Variants in RAD51B observed in about 807,000 individuals in gnomAD.
RAD51B encodes the protein RAD51 paralog B.
In RAD51B, 38 loss-of-function variants were observed where a neutral mutation model predicts 42.2. The ratio of observed to expected loss-of-function variants is 0.90; its 90% CI spans 0.70 to 1.18. RAD51B has a LOEUF of 1.18. Ranked by LOEUF, RAD51B falls within the 50% of genes most tolerant of loss-of-function variation. RAD51B has a pLI of 0.00. For missense variants in RAD51B, 373 were observed against 400.7 expected, an observed-to-expected ratio of 0.93 and a Z score of 0.59; for synonymous variants, 154 against 145.2, an observed-to-expected ratio of 1.06 and a Z score of -0.43.
Position 67,909,771 on chromosome 14 carries a change from T to A in RAD51B, c.756+22567T>A, listed in dbSNP as rs964808857. Among the ~76,000 whole-genome samples, 7 of 152,166 alleles carry A rather than the reference T, an allele frequency of 4.6e-5. No individual in the cohort carries two copies. The East Asian group carries it at 1.3e-3, about 29-fold the overall frequency. The stretch of plus-strand genomic sequence containing the variant: ...ATGGCTCACTGCAGCCTTCACCTCC[T>A]GGGCTTAAGCCAGGGACTACAGGCA... On this transcript the variant is annotated intron_variant, in intron 7 of 10. Transcript: ENST00000471583.
intron 7 of RAD51B, among the ~76,000 whole-genome samples, chr14:67,898,951 A>G (rs906409596): frequency 3.9e-5 from 6 of 152,304 alleles, no homozygotes; most frequent in Non-Finnish European, 8.8e-5. Context: ...TTTCACTTGA[A>G]CATTGTTTCC....
intron 7 of RAD51B, among the ~76,000 whole-genome samples, chr14:68,161,272 G>A (rs987236459): frequency 2.0e-5 from 3 of 152,152 alleles, no homozygotes; most frequent in Non-Finnish European, 4.4e-5. Flanking sequence ...TTTCTCTCTC[G>A]TGTTTTCTAC....
At chr14:68,506,705 G>A (rs905005854) in intron 10 of RAD51B, among the ~76,000 whole-genome samples, 1 of 151,850 alleles carries the variant, frequency 6.6e-6, no homozygotes, top group Non-Finnish European at 1.5e-5. Context: ...AAAGGCGGGT[G>A]GGGGGGACAA....
chr14:68,443,910 A>G (rs2085360340), intron 9 of RAD51B, among the ~76,000 whole-genome samples: 2 of 152,134 alleles, frequency 1.3e-5, no homozygotes, highest in Non-Finnish European at 2.9e-5. Context: ...AATTTTGAAT[A>G]TTCAAACCGA....
intron 7 of RAD51B, among the ~76,000 whole-genome samples, chr14:68,272,635 T>TTATATATATATATATATATATATA (rs1196934518): frequency 1.0e-4 from 2 of 19,852 alleles, no homozygotes; most frequent in African/African-American, 2.1e-4. Context: ...TATAAACACT[T>TTATATATATATATATATATATATA]TATATATATA....
chr14:68,084,821 G>T (rs146117314), intron 7 of RAD51B, among the ~76,000 whole-genome samples: 1 of 152,072 alleles, frequency 6.6e-6, no homozygotes, highest in Admixed American at 6.6e-5. Flanking sequence ...TGACTTGTAC[G>T]CTGCTGTGTG....
chr14:68,518,407 T>C (rs1048984515), intron 10 of RAD51B, among the ~76,000 whole-genome samples: 2 of 152,194 alleles, frequency 1.3e-5, no homozygotes, highest in East Asian at 3.9e-4. Context: ...CAGGCAGTTG[T>C]GTCCTGAGCC....
intron 7 of RAD51B, among the ~76,000 whole-genome samples, chr14:67,909,736 T>C (rs1285151850): frequency 1.3e-5 from 2 of 152,234 alleles, no homozygotes; most frequent in African/African-American, 4.8e-5. Flanking sequence ...TGGAGTAGCG[T>C]AGCACGAACA....
chr14:67,905,186 G>A (rs1485655350), intron 7 of RAD51B, among the ~76,000 whole-genome samples: 1 of 151,668 alleles, frequency 6.6e-6, no homozygotes, highest in African/African-American at 2.4e-5. Context: ...AATGCTGCTG[G>A]GATTACTTGT....
intron 7 of RAD51B, among the ~76,000 whole-genome samples, chr14:67,904,517 T>G (rs1437089819): frequency 1.3e-5 from 2 of 149,400 alleles, no homozygotes; most frequent in African/African-American, 4.9e-5. Context: ...TGACTTTTTT[T>G]TTTTTTTTTT....
intron 5 of RAD51B, among the ~76,000 whole-genome samples, chr14:67,872,860 T>C (rs1595041868): frequency 6.6e-6 from 1 of 152,042 alleles, no homozygotes; most frequent in East Asian, 1.9e-4. Context: ...ATTTAATAAA[T>C]GGTGCTGGGA....
intron 9 of RAD51B, 81 bp downstream of exon 9, chr14:68,411,608 G>A: frequency 4.5e-6 from 6 of 1,338,220 alleles, no homozygotes; most frequent in Non-Finnish European, 6.4e-6. Flanking sequence ...TTCTGAAAAT[G>A]CTGGCCGCAT....
At chr14:68,150,851 G>A (rs960959479) in intron 7 of RAD51B, among the ~76,000 whole-genome samples, 1 of 151,964 alleles carries the variant, frequency 6.6e-6, no homozygotes, top group African/African-American at 2.4e-5. Context: ...AGAACCTTAC[G>A]ATAGTCTTAA....
At chr14:68,658,393 G>A (rs905544924) in intron 11 of RAD51B, among the ~76,000 whole-genome samples, 1 of 152,240 alleles carries the variant, frequency 6.6e-6, no homozygotes, top group African/African-American at 2.4e-5. Context: ...TTCAGATGAT[G>A]AGGGCCACTG....
intron 8 of RAD51B, among the ~76,000 whole-genome samples, chr14:68,390,800 G>GT (rs1440567219): frequency 1.3e-5 from 2 of 152,198 alleles, no homozygotes; most frequent in Non-Finnish European, 2.9e-5. Context: ...TTACTTTAGT[G>GT]TTTCACCAAC....
intron 7 of RAD51B, among the ~76,000 whole-genome samples, chr14:67,946,690 A>G (rs1268784418): frequency 6.6e-6 from 1 of 152,224 alleles, no homozygotes; most frequent in Non-Finnish European, 1.5e-5. Context: ...AGAGAAAACA[A>G]AAGTCTTTGA....
At chr14:68,488,167 C>T (rs1056736317) in intron 10 of RAD51B, among the ~76,000 whole-genome samples, 5 of 143,152 alleles carry the variant, frequency 3.5e-5, no homozygotes, top group Non-Finnish European at 6.0e-5. Context: ...GGCACCAGGA[C>T]AGAAATTACG....
intron 8 of RAD51B, among the ~76,000 whole-genome samples, chr14:68,374,615 T>A (rs1158042665): frequency 6.6e-6 from 1 of 151,938 alleles, no homozygotes; most frequent in East Asian, 1.9e-4. Context: ...CCTGGTGGGG[T>A]TATAGCTTTC....
intron 8 of RAD51B, among the ~76,000 whole-genome samples, chr14:68,389,867 A>C (rs918952916): frequency 2.0e-5 from 3 of 152,254 alleles, no homozygotes; most frequent in Non-Finnish European, 4.4e-5. Flanking sequence ...CTGGTAATCA[A>C]GACCAAGTTG....
Sources: allele counts gnomAD v4.1 joint callset (sites outside exome capture counted in the v4.1 genomes callset), GRCh38; gene constraint gnomAD v4.1.1; transcripts MANE v1.5; gene names NCBI Gene and HGNC (gene_info 2026-07-23, HGNC 2026-07-21).